The following PRSS1 variants were observed in gnomAD, a reference collection of about 807,000 sequenced individuals.
PRSS1 encodes the protein TCR V beta 4.1.
In PRSS1, 22 loss-of-function variants were observed where a neutral mutation model predicts 24.2. The ratio of observed to expected loss-of-function variants is 0.91; its 90% CI spans 0.65 to 1.30. The LOEUF (loss-of-function observed/expected upper bound fraction) is 1.30. PRSS1 is among the 50% of genes most tolerant of loss of function. The pLI is 0.00. For synonymous variants in PRSS1, 126 were observed against 116.1 expected (o/e 1.08, Z -0.55); for missense variants, 366 against 304.2 (o/e 1.20, Z -1.51).
intron 4 of PRSS1, 146 bp downstream of exon 4, chr7:142,752,713 G>A (rs2116986965): frequency 2.0e-6 from 3 of 1,502,334 alleles, no homozygotes; most frequent in South Asian, 2.3e-5. Flanking sequence ...CCCTTGGGCT[G>A]CATCTTGTCT....
In PRSS1 at chr7:142,751,919, C is replaced by T. The variant is rs387906698; in HGVS notation, c.346C>T (p.Arg116Cys). ...CATCATGTTAATCAAGCTCTCCTCA[C>T]GTGCAGTAATCAACGCCCGCGTGTC... ...NDIMLIKLSS[R>C]AVINARVSTI... The change falls in exon 3 of 5, where the codon CGT (arginine) becomes TGT (cysteine). Residue 116 changes from arginine (R) to cysteine (C), a missense_variant. Coordinates refer to ENST00000311737, the MANE Select transcript of PRSS1 (RefSeq NM_002769.5). 2.5e-5 allele frequency: 41 copies of T among 1,613,976 alleles called. No homozygotes were observed. In the East Asian group the frequency reaches 2.9e-4, roughly 11 times the overall value.
chr7:142,749,945 G>C (rs567078850), intron 1 of PRSS1, among the ~76,000 whole-genome samples: 3 of 152,324 alleles, frequency 2.0e-5, no homozygotes, highest in South Asian at 2.1e-4. Context: ...CTGGGGTAGA[G>C]CTTGTGTTCT....
chr7:142,751,861 C>T lies in PRSS1; in HGVS notation c.288C>T (p.His96=), dbSNP rs1209409723. ...TCAATGCAGCCAAGATCATCCGCCA[C>T]CCCCAATACGACAGGAAGACTCTGA... ...QFINAAKIIR[H]PQYDRKTLNN... Residue 96 remains histidine (H), a synonymous_variant, in exon 3 of 5, where the codon CAC becomes CAT. Transcript: ENST00000311737. The T allele has an allele frequency of 2.5e-6, 4 of 1,613,944 alleles. No individual in the cohort carries two copies. Among genetic ancestry groups the T allele is most frequent in the Non-Finnish European group, 3.4e-6 (4 of 1,180,004 alleles).
intron 3 of PRSS1, among the ~76,000 whole-genome samples, 153 bp downstream of exon 3, chr7:142,752,180 C>A (rs1258458522): frequency 6.6e-6 from 1 of 152,172 alleles, no homozygotes; most frequent in African/African-American, 2.4e-5. Context: ...CAGAGAGATG[C>A]AAACTATCAA....
At chr7:142,752,800 G>A (rs1585990985) in intron 4 of PRSS1, 68 bp from the exon 5 acceptor site, 3 of 1,582,746 alleles carry the variant, frequency 1.9e-6, no homozygotes, top group East Asian at 2.2e-5. Context: ...GGTCTTTTAA[G>A]GTTCAGAGTA....
At chr7:142,752,207 A>G (rs1798800924) in intron 3 of PRSS1, among the ~76,000 whole-genome samples, 180 bp downstream of exon 3, 1 of 152,194 alleles carries the variant, frequency 6.6e-6, no homozygotes, top group South Asian at 2.1e-4. Flanking sequence ...GGCTCCTAAA[A>G]TCAAGAGACA....
rs141847266 is a variant in PRSS1 at position 142,751,990 on chromosome 7, C to T, written c.417C>T (p.Cys139=). The T allele has an allele frequency of 1.3e-4, 216 of 1,614,174 alleles. 2 individuals carry two copies. In the East Asian group the frequency reaches 3.5e-3, roughly 26 times the overall value. ...PTAPPATGTK[C]LISGWGNTAS... The stretch of plus-strand genomic sequence containing the variant: ...CCCCTCCAGCCACTGGCACGAAGTG[C>T]CTCATCTCTGGCTGGGGCAACACTG... Residue 139 remains cysteine, a synonymous_variant, in exon 3 of 5, where the codon TGC becomes TGT. Coordinates refer to ENST00000311737, the MANE Select transcript of PRSS1 (RefSeq NM_002769.5).
At chr7:142,752,653 G>T in intron 4 of PRSS1, 86 bp downstream of exon 4, 1 of 1,478,574 alleles carries the variant, frequency 6.8e-7, no homozygotes, top group Non-Finnish European at 9.0e-7. Flanking sequence ...AAAAGGTGGT[G>T]GGGCTGAGGA....
Position 142,751,953 on chromosome 7 carries a change from C to A in PRSS1, c.380C>A (p.Ser127Tyr). ...ATCAACGCCCGCGTGTCCACCATCT[C>A]TCTGCCCACCGCCCCTCCAGCCACT... is the stretch of plus-strand genomic sequence containing the variant. ...AVINARVSTI[S>Y]LPTAPPATGT... Residue 127 changes from serine to tyrosine, a missense_variant, in exon 3 of 5, where the codon TCT (serine) becomes TAT (tyrosine). Ser to Tyr is a moderately radical substitution (Grantham distance 144). Transcript: ENST00000311737. The A allele has an allele frequency of 6.2e-7, 1 of 1,614,122 alleles. No individual in the cohort carries two copies. Among genetic ancestry groups the A allele is most frequent in the Non-Finnish European group, 8.5e-7 (1 of 1,180,012 alleles).
intron 1 of PRSS1, 52 bp from the exon 2 acceptor site, chr7:142,750,503 C>G (rs1798609126): frequency 1.2e-6 from 2 of 1,613,010 alleles, no homozygotes; most frequent in African/African-American, 1.3e-5. Context: ...GCTGGGAGCG[C>G]CACCCCTAAC....
chr7:142,752,359 C>A, intron 3 of PRSS1, 72 bp from the exon 4 acceptor site: 1 of 1,575,184 alleles, frequency 6.3e-7, no homozygotes, highest in South Asian at 1.1e-5. Flanking sequence ...AGTTTTCCAT[C>A]CAAGATTATT....
In PRSS1 at chr7:142,751,809, A is replaced by G. The variant is rs1179289939; in HGVS notation, c.236A>G (p.Glu79Gly). 37 of 1,614,026 alleles carry G rather than the reference A, an allele frequency of 2.3e-5. No homozygotes were observed. The highest frequency in any genetic ancestry group is 3.1e-5 in the Non-Finnish European group (37 of 1,180,014). Residue 79 changes from glutamate (E) to glycine (G), a missense_variant, in exon 3 of 5, where the codon GAA becomes GGA. Coordinates refer to ENST00000311737, the MANE Select transcript of PRSS1 (RefSeq NM_002769.5). ...IQVRLGEHNI[E>G]VLEGNEQFIN... Reference sequence around the variant, plus strand: ...GTGAGACTGGGAGAGCACAACATCGAAGTCCTGGAGGGGAATGAGCAGTTC... The same window carrying G: ...GTGAGACTGGGAGAGCACAACATCGGAGTCCTGGAGGGGAATGAGCAGTTC...
At position 142,750,730 on chromosome 7, in the gene PRSS1, C is replaced by G; in HGVS notation, c.200+16C>G. On this transcript the variant is annotated intron_variant, in intron 2 of 4. Coordinates refer to ENST00000311737, the MANE Select transcript of PRSS1 (RefSeq NM_002769.5). ...GCTACAAGTCGTAAGTGTGGGGCCC[C>G]CGACTGCAAAGCTCCCGGCCAGTCT... 6.2e-7 allele frequency: 1 copy of G among 1,613,828 alleles called. No homozygotes were observed. The highest frequency in any genetic ancestry group is 8.5e-7 in the Non-Finnish European group (1 of 1,179,816).
At chr7:142,751,751 A>G in intron 2 of PRSS1, 23 bp from the exon 3 acceptor site, 1 of 1,614,146 alleles carries the variant, frequency 6.2e-7, no homozygotes, top group South Asian at 1.1e-5. Context: ...GAAGGTCTTC[A>G]CCATGCCTGC....
rs768051473 is a variant in PRSS1, at chr7:142,750,587, G to T, written c.73G>T (p.Val25Phe). Residue 25 changes from valine to phenylalanine, a missense_variant, in exon 2 of 5, where the codon GTT becomes TTT. Coordinates refer to ENST00000311737, the MANE Select transcript of PRSS1 (RefSeq NM_002769.5). ...CCCCTTTGATGATGATGACAAGATCGTTGGGGGCTACAACTGTGAGGAGAA... is the reference window on the plus strand; with the variant it reads ...CCCCTTTGATGATGATGACAAGATCTTTGGGGGCTACAACTGTGAGGAGAA... ...AAPFDDDDKI[V>F]GGYNCEENSV... 1 of 1,614,034 alleles carries T rather than the reference G, an allele frequency of 6.2e-7. No individual in the cohort carries two copies. Among genetic ancestry groups the T allele is most frequent in the Non-Finnish European group, 8.5e-7 (1 of 1,179,872 alleles).
At chr7:142,750,282 C>A (rs1563258341) in intron 1 of PRSS1, among the ~76,000 whole-genome samples, 1 of 152,206 alleles carries the variant, frequency 6.6e-6, no homozygotes, top group African/African-American at 2.4e-5. Context: ...TCCTATCCCA[C>A]TGGAAGCATT....
Position 142,751,628 on chromosome 7 carries a change from C to T in PRSS1, c.201-146C>T, listed in dbSNP as rs1431431531. 8 of 1,474,548 alleles carry T rather than the reference C, an allele frequency of 5.4e-6. No homozygotes were observed. The African/African-American group carries it at 6.9e-5, about 13-fold the overall frequency. 91.3% of individuals were successfully genotyped at this position (1,474,548 alleles called of 1,614,324 possible). On this transcript the variant is annotated intron_variant, in intron 2 of 4. Coordinates refer to ENST00000311737, the MANE Select transcript of PRSS1 (RefSeq NM_002769.5). The stretch of plus-strand genomic sequence containing the variant: ...CTCATACCTTCACTGACCCACATCC[C>T]TCTGCTGCCCATGCGATATGGCCAC...
chr7:142,752,835 C>T (rs1798868706), intron 4 of PRSS1, 33 bp from the exon 5 acceptor site: 2 of 1,609,084 alleles, frequency 1.2e-6, no homozygotes, highest in South Asian at 1.1e-5. Context: ...CCTCCTCCAT[C>T]TCTCCATACA....
chr7:142,752,386 T>G, intron 3 of PRSS1, 45 bp from the exon 4 acceptor site: 1 of 1,607,678 alleles, frequency 6.2e-7, no homozygotes, highest in Admixed American at 1.7e-5. Flanking sequence ...TTCTCTGGCC[T>G]GACCCACATT....
Sources: allele counts gnomAD v4.1 joint callset (sites outside exome capture counted in the v4.1 genomes callset), GRCh38; gene constraint gnomAD v4.1.1; transcripts MANE v1.5; gene names NCBI Gene and HGNC (gene_info 2026-07-23, HGNC 2026-07-21).